CAMKMT: variants seen among roughly 807,000 people sequenced by gnomAD.
The protein encoded by CAMKMT is CaM KMT.
CAMKMT carries 53 observed loss-of-function variants against 48.0 expected under a neutral mutation model. The observed-to-expected ratio is 1.10, with a 90% CI of 0.89 to 1.39. CAMKMT has a LOEUF of 1.39. CAMKMT is among the 40% of genes most tolerant of loss of function. CAMKMT has a pLI of 0.00. For synonymous variants in CAMKMT, 165 were observed against 152.3 expected (o/e 1.08, Z -0.61); for missense variants, 428 against 402.7 (o/e 1.06, Z -0.54).
chr2:44,560,588 T>C (rs1270075980), intron 3 of CAMKMT, among the ~76,000 whole-genome samples: 3 of 152,194 alleles, frequency 2.0e-5, no homozygotes, highest in Non-Finnish European at 2.9e-5. Flanking sequence ...ATCCTTCTAA[T>C]GATAGACTGA....
intron 3 of CAMKMT, among the ~76,000 whole-genome samples, chr2:44,563,907 G>A (rs1191671081): frequency 6.6e-6 from 1 of 152,092 alleles, no homozygotes; most frequent in Non-Finnish European, 1.5e-5. Context: ...CCAAGTCTTT[G>A]CTATTGTGAA....
At chr2:44,367,649 TGG>T (rs1558540876) in intron 1 of CAMKMT, among the ~76,000 whole-genome samples, 7 of 151,976 alleles carry the variant, frequency 4.6e-5, no homozygotes, top group African/African-American at 1.7e-4. Context: ...CTCTCCTCTC[TGG>T]CAGGCAGATA....
intron 3 of CAMKMT, among the ~76,000 whole-genome samples, chr2:44,655,638 G>T (rs1427863208): frequency 6.6e-6 from 1 of 152,178 alleles, no homozygotes; most frequent in Admixed American, 6.5e-5. Context: ...TCCAGGCAAG[G>T]CCACTCTAGA....
intron 3 of CAMKMT, among the ~76,000 whole-genome samples, chr2:44,414,793 A>T (rs1468544366): frequency 6.6e-6 from 1 of 152,202 alleles, no homozygotes; most frequent in African/African-American, 2.4e-5. Context: ...GGCTATCTGT[A>T]AGTCTCCAAA....
In CAMKMT at chr2:44,463,042, C is replaced by T. The variant is rs1403147448; in HGVS notation, c.376+72737C>T. ...ATTCAAAGCTACTTCATAGGGAGAG[C>T]TTTTCTTCTCTGCCAGAAGGCCACA... On this transcript the variant is annotated intron_variant, in intron 3 of 10. Coordinates refer to ENST00000378494, the MANE Select transcript of CAMKMT (RefSeq NM_024766.5). 2.6e-5 allele frequency among the ~76,000 whole-genome samples: 4 copies of T among 152,182 alleles called. No homozygotes were observed. The East Asian group carries it at 7.7e-4, about 29-fold the overall frequency.
At chr2:44,573,634 A>G (rs1367426186) in intron 3 of CAMKMT, among the ~76,000 whole-genome samples, 1 of 152,130 alleles carries the variant, frequency 6.6e-6, no homozygotes, top group Non-Finnish European at 1.5e-5. Flanking sequence ...TAGGGAGGCC[A>G]TCTACATCAT....
At chr2:44,666,988 C>T (rs1279998663) in intron 3 of CAMKMT, among the ~76,000 whole-genome samples, 2 of 152,180 alleles carry the variant, frequency 1.3e-5, no homozygotes, top group South Asian at 2.1e-4. Flanking sequence ...ACTTATAAAC[C>T]TTAAATCTTT....
Position 44,371,399 on chromosome 2 carries a change from A to G in CAMKMT, c.139-1317A>G, listed in dbSNP as rs540927711. On this transcript the variant is annotated intron_variant, in intron 1 of 10. Coordinates refer to ENST00000378494, the MANE Select transcript of CAMKMT (RefSeq NM_024766.5). Reference sequence around the variant, plus strand: ...CTTCCAAAGTGTTAGGATTACAGACATGAGCCACTGCACCTGGCCTATAGT... The same window carrying G: ...CTTCCAAAGTGTTAGGATTACAGACGTGAGCCACTGCACCTGGCCTATAGT... Among the ~76,000 whole-genome samples the G allele has an allele frequency of 1.4e-4, 22 of 152,334 alleles. No individual in the cohort carries two copies. The South Asian group carries it at 1.4e-3, about 10-fold the overall frequency.
intron 3 of CAMKMT, among the ~76,000 whole-genome samples, chr2:44,468,666 C>G (rs757865162): frequency 5.9e-5 from 9 of 152,132 alleles, no homozygotes; most frequent in Non-Finnish European, 1.0e-4. Flanking sequence ...TGCCTGTAAT[C>G]CCAGCACTTT....
At chr2:44,614,092 C>G (rs1365993941) in intron 3 of CAMKMT, among the ~76,000 whole-genome samples, 1 of 152,146 alleles carries the variant, frequency 6.6e-6, no homozygotes, top group Admixed American at 6.5e-5. Flanking sequence ...TCCCATTTCT[C>G]CTTTTCAATT....
chr2:44,736,198 G>A (rs745592912), intron 7 of CAMKMT, among the ~76,000 whole-genome samples: 2 of 152,100 alleles, frequency 1.3e-5, no homozygotes, highest in Non-Finnish European at 2.9e-5. Context: ...TTGCAGCATA[G>A]GTCTGCTGGT....
intron 6 of CAMKMT, 43 bp downstream of exon 6, chr2:44,707,505 CT>C: frequency 3.2e-6 from 5 of 1,539,466 alleles, no homozygotes; most frequent in South Asian, 2.3e-5. Context: ...GTGCTCATTC[CT>C]TTTTCCTGGC....
At chr2:44,452,308 T>C (rs1224988700) in intron 3 of CAMKMT, among the ~76,000 whole-genome samples, 1 of 151,996 alleles carries the variant, frequency 6.6e-6, no homozygotes, top group Non-Finnish European at 1.5e-5. Context: ...ATAATGCTTA[T>C]TAAGCTTCTA....
intron 2 of CAMKMT, among the ~76,000 whole-genome samples, chr2:44,374,626 C>T (rs551080217): frequency 1.3e-5 from 2 of 152,230 alleles, no homozygotes; most frequent in South Asian, 2.1e-4. Context: ...CATGGTTATC[C>T]ACTTGTAGAG....
At chr2:44,415,536 C>A (rs1038887260) in intron 3 of CAMKMT, among the ~76,000 whole-genome samples, 1 of 152,070 alleles carries the variant, frequency 6.6e-6, no homozygotes, top group Non-Finnish European at 1.5e-5. Flanking sequence ...GCAATAATTT[C>A]TTTGAGTCTT....
chr2:44,700,930 G>A (rs1677224534), intron 3 of CAMKMT, among the ~76,000 whole-genome samples: 1 of 152,158 alleles, frequency 6.6e-6, no homozygotes, highest in African/African-American at 2.4e-5. Context: ...AGTATTGCCT[G>A]TATAACGTTT....
At chr2:44,694,607 A>G (rs1045390408) in intron 3 of CAMKMT, among the ~76,000 whole-genome samples, 3 of 152,178 alleles carry the variant, frequency 2.0e-5, no homozygotes, top group African/African-American at 7.2e-5. Context: ...TTCACTAACA[A>G]TAACAACAAC....
chr2:44,477,025 T>C (rs1668724633), intron 3 of CAMKMT, among the ~76,000 whole-genome samples: 1 of 152,200 alleles, frequency 6.6e-6, no homozygotes, highest in South Asian at 2.1e-4. Flanking sequence ...AGAGACATCA[T>C]TACTATGAGG....
intron 9 of CAMKMT, among the ~76,000 whole-genome samples, chr2:44,764,730 C>T (rs1680766513): frequency 6.6e-6 from 1 of 152,198 alleles, no homozygotes; most frequent in South Asian, 2.1e-4. Context: ...GCAATGTCTA[C>T]TGTACAGGTT....
Sources: allele counts gnomAD v4.1 joint callset (sites outside exome capture counted in the v4.1 genomes callset), GRCh38; gene constraint gnomAD v4.1.1; transcripts MANE v1.5; gene names NCBI Gene and HGNC (gene_info 2026-07-23, HGNC 2026-07-21).